EHMT1: variants seen among roughly 807,000 people sequenced by gnomAD.
The protein encoded by EHMT1 is euchromatic histone lysine methyltransferase 1, also known as histone-lysine N-methyltransferase EHMT1.
A neutral mutation model predicts 147.2 loss-of-function variants in EHMT1; 15 were observed. That is an observed-to-expected ratio of 0.10 (90% CI 0.07 to 0.16). EHMT1 has a LOEUF of 0.16. Among genes scored for constraint, EHMT1 ranks in the 10% least tolerant of loss-of-function variants. EHMT1 has a pLI of 1.00. For synonymous variants in EHMT1, 795 were observed against 709.6 expected, an observed-to-expected ratio of 1.12 and a Z score of -1.91; for missense variants, 1,587 against 1,772.4, an observed-to-expected ratio of 0.90 and a Z score of 1.88.
chr9:137,730,326 G>A (rs1390891759), intron 4 of EHMT1, among the ~76,000 whole-genome samples: 1 of 152,178 alleles, frequency 6.6e-6, no homozygotes, highest in Non-Finnish European at 1.5e-5. Flanking sequence ...GTACTGCACG[G>A]TGGGTGCCAA....
At chr9:137,739,565 G>C (rs901259378) in intron 4 of EHMT1, among the ~76,000 whole-genome samples, 1 of 151,882 alleles carries the variant, frequency 6.6e-6, no homozygotes, top group Non-Finnish European at 1.5e-5. Context: ...TCCCTGCTGG[G>C]TTCATTTTCC....
chr9:137,647,007 T>C (rs1844938969), intron 1 of EHMT1, among the ~76,000 whole-genome samples: 1 of 152,172 alleles, frequency 6.6e-6, no homozygotes, highest in South Asian at 2.1e-4. Context: ...TTCGTCTTAC[T>C]GGTTCTTTCA....
intron 2 of EHMT1, among the ~76,000 whole-genome samples, chr9:137,714,620 A>T: frequency 6.9e-6 from 1 of 144,166 alleles, no homozygotes; most frequent in African/African-American, 2.6e-5. Context: ...TGGTGCAATC[A>T]TAGCTCACTG....
At chr9:137,745,978 A>G (rs1265668494) in intron 6 of EHMT1, 1 of 161,676 alleles carries the variant, frequency 6.2e-6, no homozygotes, top group African/African-American at 2.4e-5. Context: ...CGCTTGCTAA[A>G]TAGCCCCTGC....
At position 137,813,714 on chromosome 9, in the gene EHMT1, G is replaced by A. The variant is rs1385360016; in HGVS notation, c.3180+184G>A. On this transcript the variant is annotated intron_variant, in intron 21 of 26. Coordinates refer to ENST00000460843, the MANE Select transcript of EHMT1 (RefSeq NM_024757.5). The surrounding 1 kb of genome is among the most constrained non-coding windows in gnomAD (Gnocchi z 4.9). Reference sequence around the variant, plus strand: ...GAGCTGGAAGGCAGATAAAGGTTCTGTCAGGCCCAGCCCTGGGCCCTCTCA... The same window carrying A: ...GAGCTGGAAGGCAGATAAAGGTTCTATCAGGCCCAGCCCTGGGCCCTCTCA... Among the ~76,000 whole-genome samples the A allele has an allele frequency of 6.6e-6, 1 of 152,186 alleles. No individual in the cohort carries two copies. The highest frequency in any genetic ancestry group is 2.4e-5 in the African/African-American group (1 of 41,438).
chr9:137,710,510 T>A (rs1184451404), intron 1 of EHMT1, among the ~76,000 whole-genome samples: 2 of 152,214 alleles, frequency 1.3e-5, no homozygotes, highest in Admixed American at 1.3e-4. Flanking sequence ...AATACATACC[T>A]CTATAGATGC....
intron 1 of EHMT1, among the ~76,000 whole-genome samples, chr9:137,671,045 C>A (rs1352748606): frequency 6.6e-6 from 1 of 152,172 alleles, no homozygotes. Flanking sequence ...AGAGGGCTGT[C>A]CCGGGCCGTG....
chr9:137,664,730 C>G (rs57912169), intron 1 of EHMT1, among the ~76,000 whole-genome samples: 4,863 of 152,052 alleles, frequency 0.032, 231 homozygotes, highest in African/African-American at 0.11. Context: ...GGGAGGGAGC[C>G]GAGGTGGAGG....
At chr9:137,780,649 ATC>A (rs774872453) in intron 14 of EHMT1, among the ~76,000 whole-genome samples, 73 of 45,522 alleles carry the variant, frequency 1.6e-3, no homozygotes, top group East Asian at 2.8e-3. Context: ...TGATGACGGC[ATC>A]TCACTGAGAT....
intron 25 of EHMT1, among the ~76,000 whole-genome samples, chr9:137,832,356 C>G (rs1174237433): frequency 1.4e-5 from 2 of 144,882 alleles, no homozygotes; most frequent in Non-Finnish European, 3.0e-5. Context: ...GTGGCCTCTG[C>G]ACCTCGCTCC....
intron 7 of EHMT1, 79 bp downstream of exon 7, chr9:137,752,487 C>G: frequency 6.6e-7 from 1 of 1,522,134 alleles, no homozygotes. Context: ...AGTTCTTTAC[C>G]CAACAACCCT....
intron 7 of EHMT1, among the ~76,000 whole-genome samples, 170 bp downstream of exon 7, chr9:137,752,578 A>C (rs192219035): frequency 1.3e-5 from 2 of 152,348 alleles, no homozygotes; most frequent in South Asian, 2.1e-4. Context: ...GCAAAGCCTC[A>C]TGAGAAAGAC....
intron 16 of EHMT1, among the ~76,000 whole-genome samples, chr9:137,793,305 A>G (rs1289789139): frequency 6.6e-6 from 1 of 152,246 alleles, no homozygotes; most frequent in African/African-American, 2.4e-5. Flanking sequence ...CCATCTCTCT[A>G]AGGAAGGCCC....
intron 1 of EHMT1, among the ~76,000 whole-genome samples, chr9:137,630,501 C>T (rs899570907): frequency 1.3e-5 from 2 of 152,060 alleles, no homozygotes; most frequent in Non-Finnish European, 2.9e-5. Context: ...AGAAGGTGGA[C>T]AAAGTGTACA....
intron 1 of EHMT1, among the ~76,000 whole-genome samples, chr9:137,703,723 T>C (rs1382876131): frequency 6.6e-6 from 1 of 152,168 alleles, no homozygotes; most frequent in Non-Finnish European, 1.5e-5. Context: ...AAAAAGCCTC[T>C]AGGAAGTTCA....
chr9:137,813,037 T>G lies in EHMT1; in HGVS notation c.2899T>G (p.Leu967Val). 1 of 1,614,068 alleles carries G rather than the reference T, an allele frequency of 6.2e-7. No homozygotes were observed. The change falls in exon 20 of 27, where the codon TTA (leucine) becomes GTA (valine). Residue 967 changes from leucine (L) to valine (V), a missense_variant. Transcript: ENST00000460843. This position sits in a 1 kb window ranked among gnomAD's most constrained non-coding sequence, Gnocchi z 4.9. ...LFLSRDSDVT[L>V]KNKEGETPLQ... Reference sequence around the variant, plus strand: ...TCTTTCTCGGGATTCAGATGTCACCTTAAAGAACAAGGAAGGAGAGACGCC... The same window carrying G: ...TCTTTCTCGGGATTCAGATGTCACCGTAAAGAACAAGGAAGGAGAGACGCC...
At chr9:137,815,691 C>G (rs1954863093) in intron 22 of EHMT1, 2 of 509,228 alleles carry the variant, frequency 3.9e-6, no homozygotes, top group South Asian at 4.1e-5. Context: ...CCTGGGTGGA[C>G]AGAAGCTGGC....
intron 25 of EHMT1, among the ~76,000 whole-genome samples, chr9:137,823,122 G>A (rs1471586392): frequency 3.7e-5 from 5 of 135,796 alleles, no homozygotes; most frequent in South Asian, 4.8e-4. Context: ...TTTTTGAGAC[G>A]GAGTCTCACT....
chr9:137,675,003 T>G (rs1941099131), intron 1 of EHMT1: 1 of 152,224 alleles, frequency 6.6e-6, no homozygotes, highest in Non-Finnish European at 1.5e-5. Flanking sequence ...AGGTCTCTGA[T>G]GCATATTCTT....
Sources: allele counts gnomAD v4.1 joint callset (sites outside exome capture counted in the v4.1 genomes callset), GRCh38; gene constraint gnomAD v4.1.1; non-coding constraint Gnocchi (gnomAD v3.1); transcripts MANE v1.5; gene names NCBI Gene and HGNC (gene_info 2026-07-23, HGNC 2026-07-21).